Variants in XRCC6 observed in about 807,000 individuals in gnomAD.
XRCC6 encodes X-ray repair cross complementing 6, also known as DNA repair protein Ku70.
In XRCC6, 5 loss-of-function variants were observed where a neutral mutation model predicts 65.7. That is an observed-to-expected ratio of 0.08 (90% CI 0.04 to 0.16). XRCC6 has a LOEUF of 0.16. Ranked by LOEUF, XRCC6 falls within the 10% of genes least tolerant of loss-of-function variation. The probability of loss-of-function intolerance (pLI) is 1.00; values close to 1 mark genes in which losing one functional copy is unlikely to be tolerated. For synonymous variants in XRCC6, 270 were observed against 270.6 expected, an observed-to-expected ratio of 1.00 and a Z score of 0.02; for missense variants, 447 against 738.1, an observed-to-expected ratio of 0.61 and a Z score of 4.57.
intron 1 of XRCC6, chr22:41,621,649 G>A (rs28384708): frequency 0.012 from 2,612 of 214,258 alleles, 66 homozygotes; most frequent in African/African-American, 0.055. Flanking sequence ...GAGGTTTTTG[G>A]GCGGTATTGA....
intron 10 of XRCC6, among the ~76,000 whole-genome samples, chr22:41,657,516 T>TATC (rs1456616168): frequency 1.8e-4 from 27 of 147,450 alleles, no homozygotes; most frequent in African/African-American, 6.2e-4. Context: ...TTATTATTAT[T>TATC]ATTATTATTA....
chr22:41,657,489 ATT>A (rs1328369585), intron 10 of XRCC6, among the ~76,000 whole-genome samples: 3 of 111,416 alleles, frequency 2.7e-5, no homozygotes, highest in Non-Finnish European at 5.5e-5. Context: ...ATTTTTAAAA[ATT>A]TATTATTATT....
At chr22:41,639,870 G>A (rs1006348991) in intron 6 of XRCC6, among the ~76,000 whole-genome samples, 2 of 150,572 alleles carry the variant, frequency 1.3e-5, no homozygotes, top group African/African-American at 2.4e-5. Flanking sequence ...GTGTTAGCCA[G>A]GATGGTCTCG....
intron 11 of XRCC6, among the ~76,000 whole-genome samples, chr22:41,661,034 A>G (rs1200413508): frequency 1.3e-5 from 2 of 150,904 alleles, no homozygotes; most frequent in African/African-American, 4.9e-5. Context: ...CTCCATCTCA[A>G]AAAAAAATCT....
At chr22:41,629,968 G>T (rs1298818554) in intron 3 of XRCC6, among the ~76,000 whole-genome samples, 1 of 141,786 alleles carries the variant, frequency 7.1e-6, no homozygotes, top group Non-Finnish European at 1.5e-5. Context: ...GCCCAGCCTT[G>T]TGTGTGCATT....
intron 12 of XRCC6, chr22:41,661,682 T>C: frequency 2.2e-6 from 1 of 454,554 alleles, no homozygotes; most frequent in East Asian, 4.1e-5. Context: ...GTTGGGAGTT[T>C]CCTCAAAAAG....
At chr22:41,635,899 C>T (rs1195021302) in intron 3 of XRCC6, among the ~76,000 whole-genome samples, 2 of 152,110 alleles carry the variant, frequency 1.3e-5, no homozygotes, top group South Asian at 2.1e-4. Context: ...GCTTATACTT[C>T]TAATGTATAC....
chr22:41,653,738 T>C (rs766669852), intron 9 of XRCC6, 48 bp downstream of exon 9: 19 of 1,594,050 alleles, frequency 1.2e-5, no homozygotes, highest in Non-Finnish European at 1.5e-5. Flanking sequence ...GCCCATACTT[T>C]GGAATCATCC....
intron 7 of XRCC6, among the ~76,000 whole-genome samples, chr22:41,647,888 C>T (rs991050135): frequency 6.6e-6 from 1 of 152,050 alleles, no homozygotes; most frequent in South Asian, 2.1e-4. Flanking sequence ...TGCTTTCTTA[C>T]TGAATTTTCT....
chr22:41,661,505 T>C (rs1018590424), intron 12 of XRCC6, 61 bp downstream of exon 12: 1 of 1,380,520 alleles, frequency 7.2e-7, no homozygotes, highest in African/African-American at 1.4e-5. Context: ...GATAGTCTTA[T>C]CACAGTGGGC....
Position 41,622,000 on chromosome 22 carries a change from C to G in XRCC6, c.-5C>G, listed in dbSNP as rs1407457523. The G allele has an allele frequency of 6.2e-7, 1 of 1,614,194 alleles. No homozygotes were observed. Among genetic ancestry groups the G allele is most frequent in the Admixed American group, 1.7e-5 (1 of 60,030 alleles). ...ACGTCTTTCGCCTAGTGAGCAGTAGCCAACATGTCAGGGTGGGAGTCATAT... is the reference window on the plus strand; with the variant it reads ...ACGTCTTTCGCCTAGTGAGCAGTAGGCAACATGTCAGGGTGGGAGTCATAT... On this transcript the variant is annotated 5_prime_UTR_variant, in exon 2 of 13. Coordinates refer to ENST00000360079, the MANE Select transcript of XRCC6 (RefSeq NM_001469.5).
intron 9 of XRCC6, among the ~76,000 whole-genome samples, chr22:41,654,820 G>A (rs1159479813): frequency 1.3e-5 from 2 of 152,146 alleles, no homozygotes; most frequent in African/African-American, 2.4e-5. Context: ...ACCAACTGCC[G>A]CCAGGTAAAG....
intron 6 of XRCC6, among the ~76,000 whole-genome samples, chr22:41,638,359 C>T (rs1278181130): frequency 6.6e-6 from 1 of 152,134 alleles, no homozygotes; most frequent in Non-Finnish European, 1.5e-5. Flanking sequence ...TGACTACACA[C>T]CTGGGCTGTG....
At chr22:41,627,401 G>A (rs1215475352) in intron 2 of XRCC6, among the ~76,000 whole-genome samples, 2 of 151,814 alleles carry the variant, frequency 1.3e-5, no homozygotes, top group Non-Finnish European at 2.9e-5. Flanking sequence ...ACCTGAGGCC[G>A]GGAGTTCAAG....
chr22:41,632,121 A>AGAGGGAGACCGTGGAAG (rs1491361513), intron 3 of XRCC6, among the ~76,000 whole-genome samples: 1 of 147,266 alleles, frequency 6.8e-6, no homozygotes, highest in Non-Finnish European at 1.5e-5. Context: ...GACCGTGGAA[A>AGAGGGAGACCGTGGAAG]GAGAGGGAGA....
intron 3 of XRCC6, among the ~76,000 whole-genome samples, chr22:41,633,816 T>C (rs905158941): frequency 1.3e-5 from 2 of 152,226 alleles, no homozygotes; most frequent in South Asian, 4.1e-4. Flanking sequence ...GAAAATGTAG[T>C]GTTAGGTAGG....
In XRCC6 at chr22:41,636,561, G is replaced by A. The variant is rs914328332; in HGVS notation, c.380G>A (p.Gly127Glu). ...CTTGACCAGTTTAAGGGGCAGCAGG[G>A]ACAAAAACGTTTCCAAGACATGATG... ...LELDQFKGQQ[G>E]QKRFQDMMGH... Residue 127 changes from glycine (G) to glutamate (E), a missense_variant, in exon 5 of 13, where the codon GGA becomes GAA. Gly to Glu is a moderately conservative substitution (Grantham distance 98). Coordinates refer to ENST00000360079, the MANE Select transcript of XRCC6 (RefSeq NM_001469.5). 2 of 1,613,918 alleles carry A rather than the reference G, an allele frequency of 1.2e-6. No homozygotes were observed. Among genetic ancestry groups the A allele is most frequent in the Non-Finnish European group, 1.7e-6 (2 of 1,179,864 alleles).
At chr22:41,649,307 C>T (rs1367275179) in intron 7 of XRCC6, among the ~76,000 whole-genome samples, 5 of 150,364 alleles carry the variant, frequency 3.3e-5, no homozygotes, top group Non-Finnish European at 7.4e-5. Flanking sequence ...GCTGGGACTA[C>T]AGGCTCATGC....
At chr22:41,645,017 T>C (rs927065430) in intron 6 of XRCC6, among the ~76,000 whole-genome samples, 10 of 151,980 alleles carry the variant, frequency 6.6e-5, no homozygotes, top group African/African-American at 2.4e-4. Context: ...AAACTGACCT[T>C]GAGCTGGGGG....
Sources: gnomAD v4.1 joint callset for allele counts (sites outside exome capture counted in the v4.1 genomes callset) on GRCh38, gnomAD v4.1.1 for gene constraint, MANE v1.5 for transcripts, NCBI Gene and HGNC (gene_info 2026-07-23, HGNC 2026-07-21) for gene names.